SHISAL1: variants seen among roughly 807,000 people sequenced by gnomAD.
The protein encoded by SHISAL1 is protein shisa-like-1.
Under a neutral mutation model 22.6 loss-of-function variants are expected in SHISAL1, and 9 were observed. The ratio of observed to expected loss-of-function variants is 0.40; its 90% CI spans 0.24 to 0.70. SHISAL1 has a LOEUF of 0.70. Ranked by LOEUF, SHISAL1 falls within the 30% of genes least tolerant of loss-of-function variation. The probability of loss-of-function intolerance (pLI) is 0.39; values close to 1 mark genes in which losing one functional copy is unlikely to be tolerated. For missense variants in SHISAL1, 246 were observed against 270.6 expected (o/e 0.91, Z 0.64); for synonymous variants, 119 against 115.4 (o/e 1.03, Z -0.20).
chr22:44,304,155 G>A (rs2055453634), intron 1 of SHISAL1, among the ~76,000 whole-genome samples: 2 of 152,224 alleles, frequency 1.3e-5, no homozygotes, highest in South Asian at 4.1e-4. Context: ...TGGTCAGGGA[G>A]AGCAGAGGGG....
chr22:44,304,748 G>C (rs6519836), intron 1 of SHISAL1, among the ~76,000 whole-genome samples: 10,805 of 152,208 alleles, frequency 0.071, 664 homozygotes, highest in East Asian at 0.17. Context: ...TGTGGGAGTG[G>C]AGAGTGACGG....
intron 4 of SHISAL1, among the ~76,000 whole-genome samples, chr22:44,264,032 C>A (rs1226572037): frequency 6.6e-6 from 1 of 152,178 alleles, no homozygotes; most frequent in East Asian, 1.9e-4. Context: ...AAGGTGGAAA[C>A]AACCCAAGTT....
the SHISAL1 span, among the ~76,000 whole-genome samples, chr22:44,330,250 T>G: frequency 7.9e-5 from 12 of 152,310 alleles, no homozygotes; most frequent in East Asian, 9.6e-4. Flanking sequence ...TGGCTGCCAT[T>G]CTATCTTCCA....
rs60575266 is a variant in SHISAL1 at position 44,289,097 on chromosome 22, T to C, written c.282-3352A>G. Among the ~76,000 whole-genome samples the C allele has an allele frequency of 5.3e-3, 810 of 152,324 alleles. 5 individuals are homozygous for C. The highest frequency in any genetic ancestry group is 0.019 in the African/African-American group (780 of 41,576). ...GCATGTCTTGTGCGCCAGCAGCTAATAAAAACACTGGCAATTGTTATGCGC... is the reference window on the plus strand; with the variant it reads ...GCATGTCTTGTGCGCCAGCAGCTAACAAAAACACTGGCAATTGTTATGCGC... On this transcript the variant is annotated intron_variant, in intron 3 of 4. Transcript: ENST00000381176.
the SHISAL1 span, among the ~76,000 whole-genome samples, chr22:44,320,224 C>T: frequency 3.3e-5 from 5 of 152,318 alleles, no homozygotes; most frequent in East Asian, 3.9e-4. Flanking sequence ...ACAGAAGGAC[C>T]TCCCTCAGGG....
At chr22:44,301,942 G>A (rs749627264) in intron 1 of SHISAL1, among the ~76,000 whole-genome samples, 1 of 152,154 alleles carries the variant, frequency 6.6e-6, no homozygotes, top group Non-Finnish European at 1.5e-5. Flanking sequence ...TGTTTCATGG[G>A]TGCAGAGTTG....
Position 44,249,552 on chromosome 22 carries a change from G to A in SHISAL1, c.*133C>T. On this transcript the variant is annotated 3_prime_UTR_variant, in exon 5 of 5. Transcript: ENST00000381176. ...CCGCGGAAGGGGGCTTTGGGCACAG[G>A]CAGCATTTCCTCCTGTGCCACCGCC... is the stretch of plus-strand genomic sequence containing the variant. The A allele has an allele frequency of 1.4e-6, 1 of 699,482 alleles. No individual in the cohort carries two copies. The highest frequency in any genetic ancestry group is 2.6e-6 in the Non-Finnish European group (1 of 378,430). The allele number at this position is 699,482 out of a possible 1,614,324, so 43.3% of individuals were successfully genotyped here. A position where few individuals can be genotyped will look rare whatever the true frequency, so the allele number is the denominator to read the frequency against.
intron 3 of SHISAL1, among the ~76,000 whole-genome samples, chr22:44,286,888 T>A (rs1274703951): frequency 6.6e-6 from 1 of 152,216 alleles, no homozygotes; most frequent in Non-Finnish European, 1.5e-5. Context: ...GCCGCCTCCG[T>A]CTGCTCCCTG....
chr22:44,318,955 C>G, the SHISAL1 span, among the ~76,000 whole-genome samples: 1 of 152,274 alleles, frequency 6.6e-6, no homozygotes, highest in Non-Finnish European at 1.5e-5. Context: ...CTGGCCACAG[C>G]TGGCACCACC....
At chr22:44,308,973 C>T (rs935649334) in intron 1 of SHISAL1, among the ~76,000 whole-genome samples, 5 of 152,222 alleles carry the variant, frequency 3.3e-5, no homozygotes, top group South Asian at 2.1e-4. Context: ...GGGTGTGAAG[C>T]GGCTGGTGGC....
intron 2 of SHISAL1, 55 bp from the exon 3 acceptor site, chr22:44,296,940 A>C: frequency 1.4e-6 from 2 of 1,428,624 alleles, no homozygotes. Context: ...CACGGGTGCC[A>C]AGAGGCAGGG....
At chr22:44,317,503 A>G (rs1248013385), upstream of SHISAL1, among the ~76,000 whole-genome samples, 1 of 152,160 alleles carries the variant, frequency 6.6e-6, no homozygotes, top group Admixed American at 6.5e-5. Flanking sequence ...TGAACAGACA[A>G]CAGCCTCCTC....
chr22:44,316,334 G>C (rs1345275861), upstream of SHISAL1, among the ~76,000 whole-genome samples: 1 of 148,962 alleles, frequency 6.7e-6, no homozygotes, highest in Non-Finnish European at 1.5e-5. Flanking sequence ...CCCAGGGTAG[G>C]CCAGGATGAA....
the SHISAL1 span, among the ~76,000 whole-genome samples, chr22:44,329,440 G>T: frequency 6.9e-6 from 1 of 144,980 alleles, no homozygotes; most frequent in Non-Finnish European, 1.6e-5. Flanking sequence ...GCGAGAATGG[G>T]ACACACACAC....
chr22:44,266,914 C>G (rs577990691), intron 4 of SHISAL1, among the ~76,000 whole-genome samples: 9 of 152,080 alleles, frequency 5.9e-5, no homozygotes, highest in Admixed American at 5.9e-4. Flanking sequence ...AACATGGAAC[C>G]TTTCTTTGCT....
At chr22:44,270,988 C>A (rs2055202073) in intron 4 of SHISAL1, among the ~76,000 whole-genome samples, 1 of 152,184 alleles carries the variant, frequency 6.6e-6, no homozygotes, top group African/African-American at 2.4e-5. Context: ...GAAGGAGGCA[C>A]ACTTAGCAGG....
At chr22:44,321,475 TCCTACTGGCAGAATTGCTCCCCA>T in the SHISAL1 span, among the ~76,000 whole-genome samples, 1 of 124,486 alleles carries the variant, frequency 8.0e-6, no homozygotes, top group African/African-American at 4.0e-5. Context: ...TCAGCCCCTT[TCCTACTGGCAGAATTGCTCCCCA>T]TCCTCTGTCA....
chr22:44,283,753 G>C (rs537446988), intron 4 of SHISAL1, among the ~76,000 whole-genome samples: 1 of 152,334 alleles, frequency 6.6e-6, no homozygotes, highest in African/African-American at 2.4e-5. Context: ...CTATCAAAAA[G>C]CTTGGCTCTT....
At chr22:44,250,274 C>A (rs190771693) in intron 4 of SHISAL1, among the ~76,000 whole-genome samples, 210 of 152,260 alleles carry the variant, frequency 1.4e-3, no homozygotes, top group Non-Finnish European at 2.2e-3. Flanking sequence ...GATACAGATA[C>A]CATTCATATT....
Sources: allele counts gnomAD v4.1 joint callset (sites outside exome capture counted in the v4.1 genomes callset), GRCh38; gene constraint gnomAD v4.1.1; transcripts MANE v1.5; gene names NCBI Gene and HGNC (gene_info 2026-07-23, HGNC 2026-07-21).